EXOC3: variants seen among roughly 807,000 people sequenced by gnomAD.
The protein encoded by EXOC3 is SEC6-like 1.
Under a neutral mutation model 73.7 loss-of-function variants are expected in EXOC3, and 21 were observed. The observed-to-expected ratio is 0.29, with a 90% confidence interval of 0.20 to 0.41. The LOEUF (loss-of-function observed/expected upper bound fraction) is 0.41. Among genes scored for constraint, EXOC3 ranks in the 10% least tolerant of loss-of-function variants. The pLI, the probability that EXOC3 is intolerant of heterozygous loss-of-function variation, is 1.00. For missense variants in EXOC3, 842 were observed against 985.1 expected, an observed-to-expected ratio of 0.85 and a Z score of 1.95; for synonymous variants, 410 against 389.1, an observed-to-expected ratio of 1.05 and a Z score of -0.63.
rs756742640 is a variant in EXOC3 at position 446,280 on chromosome 5, G to C, written c.75G>C (p.Gln25His). 1.2e-6 allele frequency: 2 copies of C among 1,613,888 alleles called. No individual in the cohort carries two copies. Among genetic ancestry groups the C allele is most frequent in the Non-Finnish European group, 1.7e-6 (2 of 1,179,906 alleles). ...CTGGGATGCTCCAGCGCCCGGACCA[G>C]CTGGACAAGGTGGAGCAGTATCGCA... is the stretch of plus-strand genomic sequence containing the variant. ...RVAGMLQRPD[Q>H]LDKVEQYRRR... The change falls in exon 2 of 13, where the codon CAG becomes CAC. Residue 25 changes from glutamine to histidine, a missense_variant. By Grantham distance (24) the Gln-to-His change is conservative (BLOSUM62 0). Coordinates refer to ENST00000512944, the MANE Select transcript of EXOC3 (RefSeq NM_007277.5).
chr5:467,081 C>CCT lies in EXOC3; in HGVS notation c.*185_*186dup, dbSNP rs912178277. On this transcript the variant is annotated 3_prime_UTR_variant, in exon 13 of 13. Coordinates refer to ENST00000512944, the MANE Select transcript of EXOC3 (RefSeq NM_007277.5). ...CGTCCCGAGGCCACGTGCGGAGGCC[C>CCT]CTCACTGTGCTGTCAAAGGCCTGTG... is the stretch of plus-strand genomic sequence containing the variant. 4 of 619,716 alleles carry CCT rather than the reference C, an allele frequency of 6.5e-6. No individual in the cohort carries two copies. In the African/African-American group the frequency reaches 7.4e-5, roughly 11 times the overall value. The allele number at this position is 619,716 out of a possible 1,614,324, so 38.4% of individuals were successfully genotyped here.
chr5:448,938 T>G (rs1355472330), intron 3 of EXOC3, among the ~76,000 whole-genome samples: 1 of 152,236 alleles, frequency 6.6e-6, no homozygotes, highest in East Asian at 1.9e-4. Context: ...TTGGTGACTG[T>G]GGGCCGCCTG....
intron 3 of EXOC3, 36 bp downstream of exon 3, chr5:447,788 A>G: frequency 6.9e-7 from 1 of 1,442,382 alleles, no homozygotes; most frequent in Non-Finnish European, 9.4e-7. Flanking sequence ...GCCCCCACTC[A>G]CGCTGTCTTT....
chr5:465,572 C>A, intron 11 of EXOC3, 146 bp from the exon 12 acceptor site: 1 of 1,048,784 alleles, frequency 9.5e-7, no homozygotes, highest in Non-Finnish European at 1.4e-6. Context: ...AGACCCCTGG[C>A]CCTGTCACTG....
At chr5:465,077 T>A (rs1560941204) in intron 10 of EXOC3, 34 bp from the exon 11 acceptor site, 1 of 1,518,212 alleles carries the variant, frequency 6.6e-7, no homozygotes, top group Admixed American at 2.1e-5. Flanking sequence ...GCCAGAGCCG[T>A]GGAGCCTGCC....
At position 453,282 on chromosome 5, in the gene EXOC3, T is replaced by C. The variant is rs1301506461; in HGVS notation, c.365-88T>C. The C allele has an allele frequency of 2.0e-4, 198 of 969,960 alleles. 4 individuals are homozygous for C. In the East Asian group the frequency reaches 5.0e-3, roughly 25 times the overall value. The allele number at this position is 969,960 out of a possible 1,614,324, so 60.1% of individuals were successfully genotyped here. A position where few individuals can be genotyped will look rare whatever the true frequency, so the allele number is the denominator to read the frequency against. ...TGTTAGCTAGGGAGATGTGGCTTCC[T>C]GCTCTGCCGTGTTCCCAGAACACCG... is the stretch of plus-strand genomic sequence containing the variant. On this transcript the variant is annotated intron_variant, in intron 3 of 12. Transcript: ENST00000512944.
chr5:455,990 G>A (rs191918660), intron 4 of EXOC3, among the ~76,000 whole-genome samples: 2 of 152,348 alleles, frequency 1.3e-5, no homozygotes, highest in Admixed American at 1.3e-4. Context: ...AGTTTTGCCT[G>A]TTCTTGCGGA....
intron 3 of EXOC3, among the ~76,000 whole-genome samples, chr5:448,732 C>CCGA (rs1364367488): frequency 2.0e-5 from 3 of 152,192 alleles, no homozygotes; most frequent in South Asian, 2.1e-4. Context: ...TAATCCGTGT[C>CCGA]CCGTCCACCC....
intron 10 of EXOC3, 166 bp downstream of exon 10, chr5:464,578 G>T: frequency 1.5e-6 from 1 of 668,996 alleles, no homozygotes; most frequent in African/African-American, 1.8e-5. Flanking sequence ...TCCCTGGGAC[G>T]GGGCTCTGGT....
rs1250338215 is a variant in EXOC3 at position 456,690 on chromosome 5, G to A, written c.1047-199G>A. Among the ~76,000 whole-genome samples the A allele has an allele frequency of 9.2e-5, 14 of 151,978 alleles. 1 individual carries two copies. The highest frequency in any genetic ancestry group is 8.5e-4 in the Admixed American group (13 of 15,298). On this transcript the variant is annotated intron_variant, in intron 4 of 12. Transcript: ENST00000512944. ...TTGGAGGGACTCACGCAGTCTGGGA[G>A]CCAGTGGGGTGATGCCACAGAGACC...
In EXOC3 at chr5:464,414, T is replaced by TAAGA; in HGVS notation, c.1776+4_1776+7dup. The TAAGA allele has an allele frequency of 6.2e-7, 1 of 1,613,240 alleles. No homozygotes were observed. On this transcript the variant is annotated splice_region_variant and intron_variant, in intron 10 of 12. Coordinates refer to ENST00000512944, the MANE Select transcript of EXOC3 (RefSeq NM_007277.5). ...AAAATTAAAAAGCCGTATAAGAAGG[T>TAAGA]AAGAAGGTGGGACCTAGTTCCCTCA...
Position 462,232 on chromosome 5 carries a change from C to T in EXOC3, c.1578C>T (p.Ser526=). Residue 526 remains serine (S), a synonymous_variant, in exon 9 of 13, where the codon AGC becomes AGT. Coordinates refer to ENST00000512944, the MANE Select transcript of EXOC3 (RefSeq NM_007277.5). ...AGGGTGTGTCTCCGAGCCAGCCCAG[C>T]ATGGACGGGATTTTAGACGCCATCG... The part of the protein sequence containing the change: ...VEEGVSPSQP[S]MDGILDAIAK... 1 of 1,613,960 alleles carries T rather than the reference C, an allele frequency of 6.2e-7. No homozygotes were observed. Among genetic ancestry groups the T allele is most frequent in the Non-Finnish European group, 8.5e-7 (1 of 1,179,886 alleles).
intron 9 of EXOC3, 97 bp from the exon 10 acceptor site, chr5:464,193 T>G: frequency 8.4e-7 from 1 of 1,189,602 alleles, no homozygotes. Context: ...GCAGCTCTCG[T>G]GGGGCGTTGA....
At chr5:452,295 G>A (rs985895889) in intron 3 of EXOC3, among the ~76,000 whole-genome samples, 3 of 151,926 alleles carry the variant, frequency 2.0e-5, no homozygotes, top group Admixed American at 1.3e-4. Flanking sequence ...TCTTTCTTGC[G>A]CCTGTGCAGA....
In EXOC3 at chr5:454,037, A is replaced by G. The variant is rs770762924; in HGVS notation, c.1032A>G (p.Leu344=). Residue 344 remains leucine (L), a synonymous_variant, in exon 4 of 13, where the codon TTA becomes TTG. Coordinates refer to ENST00000512944, the MANE Select transcript of EXOC3 (RefSeq NM_007277.5). ...TCGTGAGCCTCTTGACGTGGGTCTT[A>G]AACACCTACACAAGGTAAAGCTAAC... is the stretch of plus-strand genomic sequence containing the variant. ...NEIVSLLTWV[L]NTYTSTEMMR... 26 of 1,605,702 alleles carry G rather than the reference A, an allele frequency of 1.6e-5. No homozygotes were observed. The East Asian group carries it at 5.8e-4, about 36-fold the overall frequency.
At chr5:455,748 C>A (rs998462130) in intron 4 of EXOC3, among the ~76,000 whole-genome samples, 1 of 152,186 alleles carries the variant, frequency 6.6e-6, no homozygotes, top group Non-Finnish European at 1.5e-5. Context: ...GGACTACAGG[C>A]GCGTGCCACC....
At chr5:444,553 G>A (rs552993239) in intron 1 of EXOC3, among the ~76,000 whole-genome samples, 2 of 152,232 alleles carry the variant, frequency 1.3e-5, no homozygotes, top group Non-Finnish European at 2.9e-5. Context: ...AAATGCTGAT[G>A]ATAATGTCCA....
rs1413434968 is a variant in EXOC3 at position 453,999 on chromosome 5, G to A, written c.994G>A (p.Glu332Lys). ...GCAGGACCTCGCATCGGAAGACCTGGAAGCCAATGAGATCGTGAGCCTCTT... is the reference window on the plus strand; with the variant it reads ...GCAGGACCTCGCATCGGAAGACCTGAAAGCCAATGAGATCGTGAGCCTCTT... ...RMQDLASEDL[E>K]ANEIVSLLTW... Residue 332 changes from glutamate to lysine, a missense_variant, in exon 4 of 13, where the codon GAA becomes AAA. Transcript: ENST00000512944. 6.2e-7 allele frequency: 1 copy of A among 1,613,520 alleles called. No homozygotes were observed. The highest frequency in any genetic ancestry group is 1.1e-5 in the South Asian group (1 of 91,004).
intron 3 of EXOC3, among the ~76,000 whole-genome samples, chr5:450,323 T>C (rs892990678): frequency 4.6e-5 from 7 of 152,272 alleles, no homozygotes; most frequent in Non-Finnish European, 8.8e-5. Context: ...GTATGTTGTT[T>C]AATTTCCACA....
Sources: gnomAD v4.1 joint callset for allele counts (sites outside exome capture counted in the v4.1 genomes callset) on GRCh38, gnomAD v4.1.1 for gene constraint, MANE v1.5 for transcripts, NCBI Gene and HGNC (gene_info 2026-07-23, HGNC 2026-07-21) for gene names.